RALYL: variants seen among roughly 807,000 people sequenced by gnomAD.
RALYL encodes RNA-binding Raly-like protein.
Under a neutral mutation model 35.1 loss-of-function variants are expected in RALYL, and 29 were observed. The ratio of observed to expected loss-of-function variants is 0.83; its 90% CI spans 0.61 to 1.13. RALYL has a LOEUF of 1.13. Ranked by LOEUF, RALYL falls within the 50% of genes most tolerant of loss-of-function variation. RALYL has a pLI of 0.00. For synonymous variants in RALYL, 120 were observed against 127.6 expected, an observed-to-expected ratio of 0.94 and a Z score of 0.40; for missense variants, 359 against 360.4, an observed-to-expected ratio of 1.00 and a Z score of 0.03.
At chr8:84,241,134 G>A (rs983695184) in intron 1 of RALYL, among the ~76,000 whole-genome samples, 1 of 151,888 alleles carries the variant, frequency 6.6e-6, no homozygotes, top group East Asian at 1.9e-4. Flanking sequence ...ACATACACAC[G>A]TGTACATGAG....
At chr8:84,545,851 A>G (rs934185395) in intron 2 of RALYL, among the ~76,000 whole-genome samples, 1 of 152,158 alleles carries the variant, frequency 6.6e-6, no homozygotes, top group Non-Finnish European at 1.5e-5. Context: ...CTCAAACTAT[A>G]TAGTCATATC....
intron 2 of RALYL, among the ~76,000 whole-genome samples, chr8:84,700,520 G>A (rs1344708179): frequency 6.6e-6 from 1 of 152,084 alleles, no homozygotes; most frequent in East Asian, 1.9e-4. Flanking sequence ...TTTAGCAACA[G>A]TCAAGAATAA....
intron 1 of RALYL, among the ~76,000 whole-genome samples, chr8:84,292,471 G>A (rs189776388): frequency 5.9e-5 from 9 of 152,170 alleles, no homozygotes; most frequent in Admixed American, 5.9e-4. Context: ...ATAGGAGTGG[G>A]GTAAAATGAG....
chr8:84,887,772 A>G lies in RALYL; in HGVS notation c.854A>G (p.Glu285Gly). The change falls in exon 8 of 9, where the codon GAG becomes GGG. Residue 285 changes from glutamate (E) to glycine (G), a missense_variant. Glu to Gly is a moderately conservative substitution (Grantham distance 98). Transcript: ENST00000521268. Reference protein sequence around the residue: ...EEDFDEDGGHELFLQIK With the variant: ...EEDFDEDGGHGLFLQIK ...GACTTCGATGAAGATGGGGGTCATGAGCTGGTAGGAAAGAAACATTTGGTA... is the reference window on the plus strand; with the variant it reads ...GACTTCGATGAAGATGGGGGTCATGGGCTGGTAGGAAAGAAACATTTGGTA... 6.2e-7 allele frequency: 1 copy of G among 1,611,298 alleles called. No individual in the cohort carries two copies. Among genetic ancestry groups the G allele is most frequent in the Non-Finnish European group, 8.5e-7 (1 of 1,178,892 alleles).
At chr8:84,566,610 C>T (rs1241836128) in intron 2 of RALYL, among the ~76,000 whole-genome samples, 14 of 151,518 alleles carry the variant, frequency 9.2e-5, no homozygotes, top group Admixed American at 9.2e-4. Context: ...TAAACAAGAA[C>T]TCATAACCGT....
At chr8:84,241,443 G>A (rs1827849068) in intron 1 of RALYL, among the ~76,000 whole-genome samples, 1 of 152,080 alleles carries the variant, frequency 6.6e-6, no homozygotes, top group African/African-American at 2.4e-5. Flanking sequence ...GAAAGTGATA[G>A]GCTTTCCAGC....
At chr8:84,444,500 C>T (rs1247246797) in intron 1 of RALYL, among the ~76,000 whole-genome samples, 1 of 151,894 alleles carries the variant, frequency 6.6e-6, no homozygotes, top group East Asian at 1.9e-4. Context: ...AGGAGAATAC[C>T]AGCAGAGTTT....
chr8:84,282,046 A>G (rs534131995), intron 1 of RALYL, among the ~76,000 whole-genome samples: 2 of 152,124 alleles, frequency 1.3e-5, no homozygotes, highest in African/African-American at 4.8e-5. Flanking sequence ...GAAATAGTAC[A>G]TGATAGTCTC....
chr8:84,276,181 A>G (rs188139840), intron 1 of RALYL, among the ~76,000 whole-genome samples: 55 of 152,272 alleles, frequency 3.6e-4, no homozygotes, highest in African/African-American at 1.3e-3. Context: ...TGTTTTGAAA[A>G]GAAGAGCTTT....
rs1826673426 is a variant in RALYL, at chr8:84,814,372, T to C, written c.365+9570T>C. 2.6e-5 allele frequency among the ~76,000 whole-genome samples: 4 copies of C among 152,162 alleles called. 1 individual carries two copies. In the South Asian group the frequency reaches 8.3e-4, roughly 32 times the overall value. ...GGGAAAGATAAAAATTGTCATGAAA[T>C]GAGTTATCAAGCAATATGAGTACAG... On this transcript the variant is annotated intron_variant, in intron 4 of 8. Coordinates refer to ENST00000521268, the MANE Select transcript of RALYL (RefSeq NM_173848.7).
chr8:84,213,507 G>A (rs1820036475), intron 1 of RALYL, among the ~76,000 whole-genome samples: 1 of 152,106 alleles, frequency 6.6e-6, no homozygotes, highest in African/African-American at 2.4e-5. Context: ...TTGAAAACAT[G>A]CATCACATTT....
rs1317972876 is a variant in RALYL at position 84,348,661 on chromosome 8, T to A, written c.-24+164237T>A. On this transcript the variant is annotated intron_variant, in intron 1 of 8. Transcript: ENST00000521268. ...GAAGTTAAAAATAACAAGAAAACCA[T>A]ATTCCAGCAGTTTCTCAAAAGGTAT... Among the ~76,000 whole-genome samples, 3 of 152,076 alleles carry A rather than the reference T, an allele frequency of 2.0e-5. No individual in the cohort carries two copies. The East Asian group carries it at 5.8e-4, about 29-fold the overall frequency.
At chr8:84,204,062 G>A (rs1211127422) in intron 1 of RALYL, among the ~76,000 whole-genome samples, 1 of 151,894 alleles carries the variant, frequency 6.6e-6, no homozygotes, top group African/African-American at 2.4e-5. Context: ...TAAGCCCGTG[G>A]CATTCTGTGT....
intron 1 of RALYL, among the ~76,000 whole-genome samples, chr8:84,420,146 G>C (rs544732868): frequency 4.6e-5 from 7 of 151,886 alleles, no homozygotes; most frequent in African/African-American, 1.7e-4. Flanking sequence ...GGTTGAACTA[G>C]TTTACAGTCC....
intron 1 of RALYL, among the ~76,000 whole-genome samples, chr8:84,387,803 C>CTTTCT (rs1342515580): frequency 2.1e-3 from 286 of 135,530 alleles, no homozygotes; most frequent in African/African-American, 7.3e-3. Flanking sequence ...TTCTTTCTTT[C>CTTTCT]TTTTTTTTTT....
chr8:84,874,352 G>T (rs1004855253), intron 7 of RALYL, among the ~76,000 whole-genome samples: 3 of 152,084 alleles, frequency 2.0e-5, no homozygotes, highest in Admixed American at 6.6e-5. Flanking sequence ...GAAAACAAAG[G>T]CTCAGGAAAG....
At chr8:84,914,559 G>A (rs1440626528) in intron 8 of RALYL, among the ~76,000 whole-genome samples, 1 of 151,724 alleles carries the variant, frequency 6.6e-6, no homozygotes, top group Non-Finnish European at 1.5e-5. Context: ...GAACATCCAA[G>A]CAATGTGACT....
intron 2 of RALYL, among the ~76,000 whole-genome samples, chr8:84,685,649 C>T (rs1380535311): frequency 6.6e-6 from 1 of 152,052 alleles, no homozygotes; most frequent in Non-Finnish European, 1.5e-5. Flanking sequence ...ATTATCACAC[C>T]ATGTAGAATT....
At chr8:84,570,833 A>G (rs928958158) in intron 2 of RALYL, among the ~76,000 whole-genome samples, 1 of 151,770 alleles carries the variant, frequency 6.6e-6, no homozygotes, top group Admixed American at 6.6e-5. Context: ...TTCTGCATCT[A>G]TTGAGATGAT....
Sources: gnomAD v4.1 joint callset for allele counts (sites outside exome capture counted in the v4.1 genomes callset) on GRCh38, gnomAD v4.1.1 for gene constraint, MANE v1.5 for transcripts, NCBI Gene and HGNC (gene_info 2026-07-23, HGNC 2026-07-21) for gene names.